The following RSPO3 variants were observed in gnomAD, a reference collection of about 807,000 sequenced individuals.
RSPO3 encodes R-spondin 3.
Under a neutral mutation model 36.5 loss-of-function variants are expected in RSPO3, and 17 were observed. The observed-to-expected ratio is 0.47, with a 90% CI of 0.32 to 0.70. The LOEUF (loss-of-function observed/expected upper bound fraction) is 0.70, where lower values mean the gene tolerates loss of function less well. RSPO3 is among the 30% of genes least tolerant of loss of function. The pLI is 0.04. For missense variants in RSPO3, 294 were observed against 322.5 expected, an observed-to-expected ratio of 0.91 and a Z score of 0.68; for synonymous variants, 108 against 107.0, an observed-to-expected ratio of 1.01 and a Z score of -0.06.
chr6:127,170,122 G>A (rs1774906459), intron 4 of RSPO3, among the ~76,000 whole-genome samples: 1 of 151,774 alleles, frequency 6.6e-6, no homozygotes, highest in Admixed American at 6.6e-5. Flanking sequence ...GTAGGAGTAG[G>A]AAGAGGAGAC....
chr6:127,155,552 G>T, intron 4 of RSPO3, 114 bp downstream of exon 4: 1 of 974,182 alleles, frequency 1.0e-6, no homozygotes. Flanking sequence ...ATCCTAAAAT[G>T]TGTACCAAGC....
intron 1 of RSPO3, among the ~76,000 whole-genome samples, chr6:127,142,049 G>A (rs913415187): frequency 6.6e-6 from 1 of 152,046 alleles, no homozygotes; most frequent in Non-Finnish European, 1.5e-5. Context: ...TTTCAAAAAT[G>A]GCAGGGTCTG....
intron 1 of RSPO3, among the ~76,000 whole-genome samples, chr6:127,133,642 AG>A (rs35137982): frequency 0.094 from 14,229 of 152,110 alleles, 1,182 homozygotes; most frequent in African/African-American, 0.22. Flanking sequence ...TAGAATGCTG[AG>A]TTATGGCTAG....
chr6:127,155,891 T>TATATATAC (rs1554221214), intron 4 of RSPO3, among the ~76,000 whole-genome samples: 10 of 150,628 alleles, frequency 6.6e-5, no homozygotes, highest in African/African-American at 2.2e-4. Flanking sequence ...TATATATATA[T>TATATATAC]ACACACACAC....
chr6:127,142,826 G>GT (rs893123925), intron 1 of RSPO3, among the ~76,000 whole-genome samples: 11 of 148,756 alleles, frequency 7.4e-5, no homozygotes, highest in South Asian at 4.3e-4. Context: ...TTTTGTTTTT[G>GT]TTTTTTTTTA....
chr6:127,150,347 T>C, intron 2 of RSPO3, 79 bp from the exon 3 acceptor site: 1 of 1,359,746 alleles, frequency 7.4e-7, no homozygotes, highest in Non-Finnish European at 1.0e-6. Flanking sequence ...TGTGTGTGGC[T>C]GTGTCTGACA....
At chr6:127,161,305 G>A (rs561910578) in intron 4 of RSPO3, among the ~76,000 whole-genome samples, 5 of 152,088 alleles carry the variant, frequency 3.3e-5, no homozygotes, top group Non-Finnish European at 7.4e-5. Flanking sequence ...CAGTTTTTAA[G>A]TTTCTTGCCT....
At chr6:127,176,290 T>G (rs1224634618) in intron 4 of RSPO3, among the ~76,000 whole-genome samples, 1 of 151,784 alleles carries the variant, frequency 6.6e-6, no homozygotes, top group African/African-American at 2.4e-5. Flanking sequence ...TGACTAAGAT[T>G]AAGTAAAAGA....
At chr6:127,151,715 C>A (rs1774493959) in intron 3 of RSPO3, among the ~76,000 whole-genome samples, 1 of 151,942 alleles carries the variant, frequency 6.6e-6, no homozygotes, top group African/African-American at 2.4e-5. Context: ...ATCTGGAAAA[C>A]AACAGTCTTG....
chr6:127,186,895 C>T (rs1775305796), intron 4 of RSPO3, among the ~76,000 whole-genome samples: 1 of 152,060 alleles, frequency 6.6e-6, no homozygotes. Context: ...AGGAAGACTT[C>T]TAGGTAATAC....
intron 4 of RSPO3, among the ~76,000 whole-genome samples, chr6:127,194,637 A>C (rs908589613): frequency 6.6e-6 from 1 of 152,196 alleles, no homozygotes; most frequent in African/African-American, 2.4e-5. Flanking sequence ...TCTTCTTCTA[A>C]AACTCCCAGC....
intron 1 of RSPO3, among the ~76,000 whole-genome samples, chr6:127,124,323 A>G (rs999965675): frequency 6.6e-6 from 1 of 152,048 alleles, no homozygotes; most frequent in African/African-American, 2.4e-5. Flanking sequence ...TTTTCCAAGT[A>G]GTGAATTCTT....
chr6:127,189,163 C>G (rs940462797), intron 4 of RSPO3, among the ~76,000 whole-genome samples: 6 of 151,972 alleles, frequency 3.9e-5, no homozygotes, highest in South Asian at 2.1e-4. Context: ...AACAAACTAT[C>G]CAGGTCATCT....
intron 1 of RSPO3, among the ~76,000 whole-genome samples, chr6:127,120,486 C>T (rs1053219859): frequency 4.6e-5 from 7 of 152,236 alleles, no homozygotes; most frequent in African/African-American, 1.7e-4. Flanking sequence ...AGCGGCCCCA[C>T]CTGGTTTCCC....
At chr6:127,128,480 T>G (rs1409735827) in intron 1 of RSPO3, among the ~76,000 whole-genome samples, 3 of 152,082 alleles carry the variant, frequency 2.0e-5, no homozygotes, top group Non-Finnish European at 2.9e-5. Context: ...GATTCTAATG[T>G]GCAGCCAAGA....
At position 127,177,300 on chromosome 6, in the gene RSPO3, T is replaced by C. The variant is rs144903360; in HGVS notation, c.635-18523T>C. 4.6e-5 allele frequency among the ~76,000 whole-genome samples: 7 copies of C among 151,988 alleles called. No individual in the cohort carries two copies. In the East Asian group the frequency reaches 1.4e-3, roughly 30 times the overall value. On this transcript the variant is annotated intron_variant, in intron 4 of 4. Coordinates refer to ENST00000356698, the MANE Select transcript of RSPO3 (RefSeq NM_032784.5). ...TTCCCAGCATTTCAAGCTTGTAAACTGTATCCAACACTCACCAATGTCTAT... is the reference window on the plus strand; with the variant it reads ...TTCCCAGCATTTCAAGCTTGTAAACCGTATCCAACACTCACCAATGTCTAT...
At position 127,191,423 on chromosome 6, in the gene RSPO3, C is replaced by T. The variant is rs111421394; in HGVS notation, c.635-4400C>T. 1.2e-3 allele frequency among the ~76,000 whole-genome samples: 188 copies of T among 152,104 alleles called. 1 individual carries two copies. The highest frequency in any genetic ancestry group is 4.4e-3 in the African/African-American group (184 of 41,486). ...ATAAGAACCACTGAATCATAATCTCCAAGGGTGGGATCTAGGAATCTGTAT... is the reference window on the plus strand; with the variant it reads ...ATAAGAACCACTGAATCATAATCTCTAAGGGTGGGATCTAGGAATCTGTAT... On this transcript the variant is annotated intron_variant, in intron 4 of 4. Transcript: ENST00000356698.
intron 3 of RSPO3, among the ~76,000 whole-genome samples, chr6:127,150,861 T>C (rs1268809296): frequency 6.6e-6 from 1 of 151,620 alleles, no homozygotes; most frequent in Non-Finnish European, 1.5e-5. Flanking sequence ...ATTTAGTGAA[T>C]TTTTATTTAA....
chr6:127,162,411 A>T (rs998453739), intron 4 of RSPO3, among the ~76,000 whole-genome samples: 17 of 152,184 alleles, frequency 1.1e-4, no homozygotes, highest in African/African-American at 3.6e-4. Flanking sequence ...TCTGAAATAC[A>T]GTAAGAGATT....
Sources: allele counts gnomAD v4.1 joint callset (sites outside exome capture counted in the v4.1 genomes callset), GRCh38; gene constraint gnomAD v4.1.1; transcripts MANE v1.5; gene names NCBI Gene and HGNC (gene_info 2026-07-23, HGNC 2026-07-21).